The following MCF2L variants were observed in gnomAD, a reference collection of about 807,000 sequenced individuals.
MCF2L encodes the protein guanine nucleotide exchange factor DBS.
MCF2L carries 97 observed loss-of-function variants against 153.4 expected under a neutral mutation model. The ratio of observed to expected loss-of-function variants is 0.63; its 90% confidence interval spans 0.54 to 0.75. The LOEUF (loss-of-function observed/expected upper bound fraction) is 0.75. MCF2L is among the 30% of genes least tolerant of loss of function. MCF2L has a pLI of 0.00. For synonymous variants in MCF2L, 659 were observed against 632.2 expected (o/e 1.04, Z -0.64); for missense variants, 1,347 against 1,495.2 (o/e 0.90, Z 1.64).
chr13:113,046,624 T>C lies in MCF2L; in HGVS notation c.369+1263T>C, dbSNP rs1178386578. On this transcript the variant is annotated intron_variant, in intron 4 of 29. Transcript: ENST00000535094. This position sits in a 1 kb window ranked among gnomAD's most constrained non-coding sequence, Gnocchi z 4.4. ...ATTAGAGGCCCCATATCTGCTCCGATGCCCACAACCTTCATCGTTTTGGTG... is the reference window on the plus strand; with the variant it reads ...ATTAGAGGCCCCATATCTGCTCCGACGCCCACAACCTTCATCGTTTTGGTG... 1 of 533,424 alleles carries C rather than the reference T, an allele frequency of 1.9e-6. No homozygotes were observed. The highest frequency in any genetic ancestry group is 5.5e-5 in the East Asian group (1 of 18,342). 33.0% of individuals were successfully genotyped at this position (533,424 alleles called of 1,614,324 possible).
intron 1 of MCF2L, among the ~76,000 whole-genome samples, chr13:112,973,626 C>T (rs752831977): frequency 4.6e-5 from 7 of 152,204 alleles, no homozygotes; most frequent in Non-Finnish European, 1.0e-4. Context: ...AGTCTGACGC[C>T]CTCCATGCGA....
At chr13:112,911,517 T>C (rs1310493436) in intron 2 of MCF2L, among the ~76,000 whole-genome samples, 1 of 152,208 alleles carries the variant, frequency 6.6e-6, no homozygotes, top group Admixed American at 6.5e-5. Context: ...CCTCTGGGAA[T>C]GGCCCGCCCA....
rs1436894150 is a variant in MCF2L at position 113,075,210 on chromosome 13, C to A, written c.1308+21C>A. On this transcript the variant is annotated intron_variant, in intron 11 of 29. Transcript: ENST00000535094. ...AGACGGTAGGCCGAGCCGGACCCCA[C>A]CCCACTCCCCCCCAGCTGCGGAACC... 5.8e-6 allele frequency: 9 copies of A among 1,560,940 alleles called. No individual in the cohort carries two copies. In the Admixed American group the frequency reaches 1.2e-4, roughly 21 times the overall value.
chr13:113,022,962 C>T (rs1055680263), intron 2 of MCF2L, among the ~76,000 whole-genome samples: 1 of 152,216 alleles, frequency 6.6e-6, no homozygotes, highest in African/African-American at 2.4e-5. Context: ...CATTATGTGC[C>T]ACCAGAGACG....
Position 113,045,578 on chromosome 13 carries a change from G to A in MCF2L, c.369+217G>A, listed in dbSNP as rs928234520. ...GTTTTCCCAGATGAAGGAACTCTTA[G>A]GGAGCCCAATGTGACTTGCAAACAA... is the stretch of plus-strand genomic sequence containing the variant. On this transcript the variant is annotated intron_variant, in intron 4 of 29. Transcript: ENST00000535094. The surrounding 1 kb of genome is among the most constrained non-coding windows in gnomAD (Gnocchi z 4.2). The A allele has an allele frequency of 4.4e-5, 26 of 586,112 alleles. No homozygotes were observed. In the East Asian group the frequency reaches 7.3e-4, roughly 16 times the overall value. 36.3% of individuals were successfully genotyped at this position (586,112 alleles called of 1,614,324 possible). A position where few individuals can be genotyped will look rare whatever the true frequency, so the allele number is the denominator to read the frequency against.
At chr13:113,047,875 A>C (rs796814638) in intron 4 of MCF2L, among the ~76,000 whole-genome samples, 18 of 49,976 alleles carry the variant, frequency 3.6e-4, no homozygotes, top group African/African-American at 1.3e-3. Flanking sequence ...CGTGCCCCAG[A>C]GCCTCCGCTG....
intron 4 of MCF2L, among the ~76,000 whole-genome samples, chr13:113,050,464 T>C (rs188526488): frequency 6.6e-6 from 1 of 151,620 alleles, no homozygotes; most frequent in African/African-American, 2.4e-5. Flanking sequence ...CAACTCTCTT[T>C]CCTGTAACGC....
At chr13:112,959,299 G>T (rs557574547) in intron 2 of MCF2L, among the ~76,000 whole-genome samples, 1 of 152,186 alleles carries the variant, frequency 6.6e-6, no homozygotes, top group Non-Finnish European at 1.5e-5. Context: ...AGCAGTTGGC[G>T]TGTCAGTTAT....
At chr13:113,037,573 A>C (rs960254801) in intron 3 of MCF2L, among the ~76,000 whole-genome samples, 2 of 152,228 alleles carry the variant, frequency 1.3e-5, no homozygotes, top group African/African-American at 2.4e-5. Flanking sequence ...TTCTGGCTCT[A>C]ATAGAGTATC....
At chr13:112,915,583 G>A (rs79017713) in intron 2 of MCF2L, among the ~76,000 whole-genome samples, 3 of 151,748 alleles carry the variant, frequency 2.0e-5, no homozygotes, top group East Asian at 1.9e-4. Context: ...TGGTGGTCTC[G>A]TTTCACTGCT....
intron 2 of MCF2L, among the ~76,000 whole-genome samples, chr13:112,955,063 A>G (rs1326491680): frequency 6.6e-6 from 1 of 152,190 alleles, no homozygotes; most frequent in Non-Finnish European, 1.5e-5. Context: ...GTGACGGGCA[A>G]CATGGCCGGG....
chr13:112,894,695 A>G (rs1566622388), intron 1 of MCF2L, among the ~76,000 whole-genome samples: 2 of 152,050 alleles, frequency 1.3e-5, no homozygotes, highest in Non-Finnish European at 2.9e-5. Context: ...AGACCCCGCG[A>G]GTGTCCAGGC....
chr13:112,935,292 T>C (rs1357200872), intron 2 of MCF2L, among the ~76,000 whole-genome samples: 1 of 152,136 alleles, frequency 6.6e-6, no homozygotes, highest in Non-Finnish European at 1.5e-5. Context: ...AGTCTCGCTC[T>C]TGTCACCCAG....
rs111540532 is a variant in MCF2L, at chr13:112,944,549, C to T, written c.169+42178C>T. Among the ~76,000 whole-genome samples, 401 of 149,810 alleles carry T rather than the reference C, an allele frequency of 2.7e-3. 2 individuals carry two copies. Among genetic ancestry groups the T allele is most frequent in the African/African-American group, 7.3e-3 (298 of 40,798 alleles). On this transcript the variant is annotated intron_variant, in intron 2 of 29. Transcript: ENST00000375608. ...GCAGAAGAGCTGTCAATCTGTCAGTCCTGTCCCGCTAAACCTGAACTTTTT... is the reference window on the plus strand; with the variant it reads ...GCAGAAGAGCTGTCAATCTGTCAGTTCTGTCCCGCTAAACCTGAACTTTTT...
chr13:112,997,754 G>A (rs1352697715), intron 1 of MCF2L, among the ~76,000 whole-genome samples: 1 of 152,266 alleles, frequency 6.6e-6, no homozygotes, highest in Non-Finnish European at 1.5e-5. Context: ...GGGGTGGGAA[G>A]CGATGGGTCG....
intron 23 of MCF2L, 85 bp from the exon 24 acceptor site, chr13:113,088,242 C>G: frequency 8.6e-7 from 1 of 1,169,496 alleles, no homozygotes; most frequent in African/African-American, 1.5e-5. Flanking sequence ...CTAAGATTAT[C>G]TTTGGATGTT....
intron 2 of MCF2L, among the ~76,000 whole-genome samples, chr13:113,023,122 G>C (rs2084999731): frequency 6.6e-6 from 1 of 152,238 alleles, no homozygotes; most frequent in Non-Finnish European, 1.5e-5. Context: ...CCAGGTGAAG[G>C]GGGGCCGTCA....
chr13:112,932,824 A>T lies in MCF2L; in HGVS notation c.169+30453A>T, dbSNP rs1242418022. Among the ~76,000 whole-genome samples, 2 of 152,154 alleles carry T rather than the reference A, an allele frequency of 1.3e-5. No homozygotes were observed. The highest frequency in any genetic ancestry group is 1.5e-5 in the Non-Finnish European group (1 of 68,028). ...CGCGGGTGGATCATCTGAGGTCAGG[A>T]GTTGAAGACCAGCCTGGCCAACATG... On this transcript the variant is annotated intron_variant, in intron 2 of 29. Coordinates refer to the MCF2L transcript ENST00000375608. This position sits in a 1 kb window ranked among gnomAD's most constrained non-coding sequence, Gnocchi z 4.6.
intron 1 of MCF2L, among the ~76,000 whole-genome samples, chr13:112,975,557 G>A (rs1162932423): frequency 3.3e-5 from 5 of 152,216 alleles, no homozygotes; most frequent in Admixed American, 6.5e-5. Flanking sequence ...GTGGGGACCC[G>A]TTTGCTGTTA....
Sources: allele counts gnomAD v4.1 joint callset (sites outside exome capture counted in the v4.1 genomes callset), GRCh38; gene constraint gnomAD v4.1.1; non-coding constraint Gnocchi (gnomAD v3.1); transcripts MANE v1.5; gene names NCBI Gene and HGNC (gene_info 2026-07-23, HGNC 2026-07-21).